The following ZNF385B variants were observed in gnomAD, a reference collection of about 807,000 sequenced individuals.
The protein encoded by ZNF385B is zinc finger protein 385B, also known as zinc finger protein 533.
In ZNF385B, 23 loss-of-function variants were observed where a neutral mutation model predicts 39.2. The ratio of observed to expected loss-of-function variants is 0.59; its 90% CI spans 0.42 to 0.83. ZNF385B has a LOEUF of 0.83. Ranked by LOEUF, ZNF385B falls within the 40% of genes least tolerant of loss-of-function variation. The pLI is 0.00. For synonymous variants in ZNF385B, 205 were observed against 222.6 expected (o/e 0.92, Z 0.70); for missense variants, 552 against 598.9 (o/e 0.92, Z 0.82).
chr2:179,671,418 T>C (rs1288840254), intron 3 of ZNF385B, among the ~76,000 whole-genome samples: 1 of 152,182 alleles, frequency 6.6e-6, no homozygotes. Flanking sequence ...CTTAAACCTT[T>C]GCGAAATTCA....
At chr2:179,616,596 G>A (rs534113640) in intron 3 of ZNF385B, among the ~76,000 whole-genome samples, 2 of 152,252 alleles carry the variant, frequency 1.3e-5, no homozygotes, top group South Asian at 4.1e-4. Context: ...GTCCCACTGT[G>A]TCACCCAGGC....
At chr2:179,827,771 G>A (rs550457217) in intron 1 of ZNF385B, among the ~76,000 whole-genome samples, 114 of 152,140 alleles carry the variant, frequency 7.5e-4, no homozygotes, top group African/African-American at 2.5e-3. Flanking sequence ...AAACATCATA[G>A]AACCTATGAA....
intron 6 of ZNF385B, among the ~76,000 whole-genome samples, chr2:179,476,986 A>G (rs1403637159): frequency 3.3e-5 from 5 of 152,210 alleles, no homozygotes; most frequent in Non-Finnish European, 5.9e-5. Flanking sequence ...TATAAATGAC[A>G]GATGCTGCCA....
chr2:179,640,256 C>CTA (rs777025227), intron 3 of ZNF385B, among the ~76,000 whole-genome samples: 32 of 152,198 alleles, frequency 2.1e-4, no homozygotes, highest in South Asian at 4.2e-4. Flanking sequence ...AAACGGCAGG[C>CTA]TATATAGTAG....
At chr2:179,677,720 C>A (rs1303850863) in intron 3 of ZNF385B, among the ~76,000 whole-genome samples, 1 of 152,140 alleles carries the variant, frequency 6.6e-6, no homozygotes, top group Non-Finnish European at 1.5e-5. Context: ...GTGCCTCATG[C>A]CTTCATTTAT....
chr2:179,476,813 C>T (rs2053490536), intron 6 of ZNF385B, among the ~76,000 whole-genome samples: 1 of 152,066 alleles, frequency 6.6e-6, no homozygotes. Context: ...ATGGTCTGTT[C>T]TCTTTAGACA....
chr2:179,835,488 C>G (rs1160196857), intron 1 of ZNF385B, among the ~76,000 whole-genome samples: 3 of 152,116 alleles, frequency 2.0e-5, no homozygotes, highest in African/African-American at 7.2e-5. Flanking sequence ...TGCACCATAG[C>G]ACCTTCGATG....
chr2:179,856,917 C>T (rs536554675), intron 1 of ZNF385B, among the ~76,000 whole-genome samples: 1 of 152,242 alleles, frequency 6.6e-6, no homozygotes, highest in African/African-American at 2.4e-5. Flanking sequence ...AATCTCCAGG[C>T]AGAGAGGCAG....
intron 3 of ZNF385B, among the ~76,000 whole-genome samples, chr2:179,619,403 C>T (rs574262069): frequency 4.6e-5 from 7 of 152,188 alleles, no homozygotes; most frequent in East Asian, 1.9e-4. Flanking sequence ...TTTTAACTTT[C>T]GAATTCAACA....
At chr2:179,655,712 G>A (rs968475591) in intron 3 of ZNF385B, among the ~76,000 whole-genome samples, 2 of 152,036 alleles carry the variant, frequency 1.3e-5, no homozygotes, top group African/African-American at 2.4e-5. Context: ...ATCCTCGTAA[G>A]AAATACTATT....
intron 3 of ZNF385B, among the ~76,000 whole-genome samples, chr2:179,660,403 G>A (rs998008680): frequency 6.6e-6 from 1 of 152,116 alleles, no homozygotes; most frequent in African/African-American, 2.4e-5. Context: ...TGATCATGCT[G>A]TTTCTTTAAA....
chr2:179,860,281 G>C (rs1684934570), intron 1 of ZNF385B, among the ~76,000 whole-genome samples: 1 of 152,110 alleles, frequency 6.6e-6, no homozygotes, highest in South Asian at 2.1e-4. Flanking sequence ...TGGGGAGAGG[G>C]GGGATACTTC....
chr2:179,482,407 GA>G (rs1358077002), intron 6 of ZNF385B, among the ~76,000 whole-genome samples: 12 of 152,206 alleles, frequency 7.9e-5, no homozygotes, highest in Non-Finnish European at 1.6e-4. Flanking sequence ...GTTCCTCAAA[GA>G]GTCACTGAAA....
chr2:179,814,808 G>A (rs976623528), intron 1 of ZNF385B: 1 of 163,166 alleles, frequency 6.1e-6, no homozygotes, highest in South Asian at 1.7e-4. Flanking sequence ...TTACTACATG[G>A]CCTTAACTAG....
chr2:179,659,576 T>C (rs975979682), intron 3 of ZNF385B, among the ~76,000 whole-genome samples: 5 of 152,020 alleles, frequency 3.3e-5, no homozygotes, highest in Admixed American at 6.5e-5. Flanking sequence ...ATACAGCATA[T>C]TAAAATTTTA....
chr2:179,764,939 TC>T (rs1376971831), intron 3 of ZNF385B, among the ~76,000 whole-genome samples: 2 of 152,200 alleles, frequency 1.3e-5, no homozygotes, highest in Non-Finnish European at 2.9e-5. Context: ...AATTGAAACA[TC>T]AGCTCCTCTT....
At chr2:179,703,409 C>T (rs1362366847) in intron 3 of ZNF385B, among the ~76,000 whole-genome samples, 1 of 151,102 alleles carries the variant, frequency 6.6e-6, no homozygotes, top group Non-Finnish European at 1.5e-5. Flanking sequence ...AAACCCTCTT[C>T]CTTAATTTTC....
At chr2:179,665,469 C>T (rs1266817459) in intron 3 of ZNF385B, among the ~76,000 whole-genome samples, 1 of 152,168 alleles carries the variant, frequency 6.6e-6, no homozygotes, top group African/African-American at 2.4e-5. Flanking sequence ...TCTACCCAGA[C>T]ATTTAACTTG....
intron 5 of ZNF385B, among the ~76,000 whole-genome samples, chr2:179,492,129 T>C (rs2055302474): frequency 6.6e-6 from 1 of 152,246 alleles, no homozygotes; most frequent in Non-Finnish European, 1.5e-5. Context: ...TCACATCTTA[T>C]TTTAAACTGG....
Sources: gnomAD v4.1 joint callset for allele counts (sites outside exome capture counted in the v4.1 genomes callset) on GRCh38, gnomAD v4.1.1 for gene constraint, MANE v1.5 for transcripts, NCBI Gene and HGNC (gene_info 2026-07-23, HGNC 2026-07-21) for gene names.